EPG5: variants seen among roughly 807,000 people sequenced by gnomAD.
EPG5 encodes the protein ectopic P granules protein 5 homolog.
EPG5 carries 159 observed loss-of-function variants against 302.7 expected under a neutral mutation model. That is an observed-to-expected ratio of 0.53 (90% CI 0.46 to 0.60). The LOEUF is 0.60. Among genes scored for constraint, EPG5 ranks in the 20% least tolerant of loss-of-function variants. The pLI is 0.00. For missense variants in EPG5, 2,896 were observed against 3,092.4 expected, an observed-to-expected ratio of 0.94 and a Z score of 1.51; for synonymous variants, 1,158 against 1,136.8, an observed-to-expected ratio of 1.02 and a Z score of -0.37.
the EPG5 span, among the ~76,000 whole-genome samples, chr18:45,829,493 G>C: frequency 6.6e-6 from 1 of 152,202 alleles, no homozygotes; most frequent in Non-Finnish European, 1.5e-5. Flanking sequence ...GAAGGGCTGA[G>C]CTGCAATGAG....
intron 39 of EPG5, among the ~76,000 whole-genome samples, chr18:45,863,727 A>G (rs1331929315): frequency 6.6e-6 from 1 of 152,208 alleles, no homozygotes; most frequent in Non-Finnish European, 1.5e-5. Flanking sequence ...CCACTGTCTT[A>G]CAGATTCTTT....
chr18:45,952,000 CA>C (rs2050919874), intron 3 of EPG5, among the ~76,000 whole-genome samples: 1 of 152,212 alleles, frequency 6.6e-6, no homozygotes, highest in Middle Eastern at 3.4e-3. Flanking sequence ...GAAAATTAAA[CA>C]AAACAGCCCT....
At chr18:45,932,277 T>C (rs984578867) in intron 11 of EPG5, among the ~76,000 whole-genome samples, 1 of 152,200 alleles carries the variant, frequency 6.6e-6, no homozygotes, top group African/African-American at 2.4e-5. Flanking sequence ...AAATATTAAC[T>C]ATAAGGACAA....
intron 35 of EPG5, among the ~76,000 whole-genome samples, chr18:45,870,962 C>T (rs1438164800): frequency 6.6e-6 from 1 of 152,076 alleles, no homozygotes; most frequent in African/African-American, 2.4e-5. Flanking sequence ...TGAGCAGATG[C>T]TGTGTGGGAA....
intron 6 of EPG5, 24 bp from the exon 7 acceptor site, chr18:45,946,792 C>T: frequency 6.3e-7 from 1 of 1,594,412 alleles, no homozygotes; most frequent in Non-Finnish European, 8.6e-7. Context: ...ATAATCACTC[C>T]CATCACTTAG....
chr18:45,934,884 G>C lies in EPG5; in HGVS notation c.2182C>G (p.His728Asp). ...TGCAGGTTCTCGCTCTCCACCTGGT[G>C]CATGAGGTAGAAGAGCTTCCACAGC... is the stretch of plus-strand genomic sequence containing the variant. ...QMLWKLFYLM[H>D]QVESENLQQL... The change falls in exon 11 of 44, where the codon CAC becomes GAC. Residue 728 changes from histidine (H) to aspartate (D), a missense_variant. Physicochemically the swap from His to Asp is moderately conservative, Grantham distance 81. Coordinates refer to ENST00000282041, the MANE Select transcript of EPG5 (RefSeq NM_020964.3). The C allele has an allele frequency of 1.2e-6, 2 of 1,614,212 alleles. No individual in the cohort carries two copies. Among genetic ancestry groups the C allele is most frequent in the Non-Finnish European group, 8.5e-7 (1 of 1,180,028 alleles).
In EPG5 at chr18:45,862,373, TAA is replaced by T. The variant is rs1449107412; in HGVS notation, c.6767-2029_6767-2028del. On this transcript the variant is annotated intron_variant, in intron 39 of 43. Transcript: ENST00000282041. ...GCTTATCTTTTTAATTTTCACCTTT[TAA>T]AAAAGTCTATGATGAGCACTTAAGG... is the stretch of plus-strand genomic sequence containing the variant. Among the ~76,000 whole-genome samples, 10 of 152,192 alleles carry T rather than the reference TAA, an allele frequency of 6.6e-5. No individual in the cohort carries two copies. The South Asian group carries it at 8.3e-4, about 13-fold the overall frequency.
intron 42 of EPG5, among the ~76,000 whole-genome samples, chr18:45,856,702 C>T (rs896011672): frequency 6.6e-6 from 1 of 152,190 alleles, no homozygotes; most frequent in Non-Finnish European, 1.5e-5. Context: ...AAAGTTACAA[C>T]ATCACAATGG....
intron 6 of EPG5, among the ~76,000 whole-genome samples, chr18:45,947,299 G>A (rs1271220052): frequency 1.3e-5 from 2 of 152,114 alleles, no homozygotes; most frequent in African/African-American, 4.8e-5. Context: ...TGCAGTCCCA[G>A]CTACTCAGGA....
At chr18:45,837,452 C>G in the EPG5 span, 1 of 1,419,136 alleles carries the variant, frequency 7.0e-7, no homozygotes. Flanking sequence ...GTTTCCAGGC[C>G]CCGGGTGCGG....
At chr18:45,953,665 G>A (rs925569419) in intron 2 of EPG5, 20 of 985,184 alleles carry the variant, frequency 2.0e-5, no homozygotes, top group Admixed American at 6.1e-5. Context: ...AAACTTGAGA[G>A]GACGTCTCCC....
chr18:45,888,694 C>A (rs2049270798), intron 28 of EPG5, among the ~76,000 whole-genome samples: 1 of 152,188 alleles, frequency 6.6e-6, no homozygotes, highest in Non-Finnish European at 1.5e-5. Context: ...CCCACCTTGG[C>A]CTCCCAAAGT....
intron 14 of EPG5, among the ~76,000 whole-genome samples, chr18:45,923,721 T>C (rs905832278): frequency 6.6e-6 from 1 of 152,218 alleles, no homozygotes; most frequent in Non-Finnish European, 1.5e-5. Context: ...AGATGCTTAA[T>C]TAAACAGAAA....
chr18:45,959,102 A>G (rs1471694012), intron 1 of EPG5, among the ~76,000 whole-genome samples: 2 of 152,206 alleles, frequency 1.3e-5, no homozygotes, highest in Non-Finnish European at 2.9e-5. Flanking sequence ...TTCTGTGTCA[A>G]TTACTCTTTC....
At chr18:45,957,190 G>GA (rs1174047061) in intron 1 of EPG5, among the ~76,000 whole-genome samples, 3 of 151,494 alleles carry the variant, frequency 2.0e-5, no homozygotes, top group Admixed American at 6.6e-5. Context: ...ATATTAAAAA[G>GA]AAAAAAAAGA....
intron 1 of EPG5, among the ~76,000 whole-genome samples, chr18:45,966,941 G>A (rs531387219): frequency 9.8e-5 from 15 of 152,308 alleles, no homozygotes; most frequent in Admixed American, 9.8e-4. Context: ...GGCCAGTGAA[G>A]TCACAGGAGG....
rs557856404 is a variant in EPG5 at position 45,850,153 on chromosome 18, T to C, written c.*2314A>G. The C allele has an allele frequency of 6.6e-6, 1 of 152,478 alleles. No individual in the cohort carries two copies. The highest frequency in any genetic ancestry group is 1.5e-5 in the Non-Finnish European group (1 of 68,144). The allele number at this position is 152,478 out of a possible 1,614,324, so 9.4% of individuals were successfully genotyped here. On this transcript the variant is annotated 3_prime_UTR_variant, in exon 44 of 44. Coordinates refer to ENST00000282041, the MANE Select transcript of EPG5 (RefSeq NM_020964.3). ...GATGCCACTGTTGGCCACCCTGTGG[T>C]GAAGTCTGGAGCCTGCAGCCGTTCG...
chr18:45,901,928 T>C (rs1007798625), intron 25 of EPG5, among the ~76,000 whole-genome samples: 1 of 152,190 alleles, frequency 6.6e-6, no homozygotes, highest in Non-Finnish European at 1.5e-5. Context: ...AATAGATTCC[T>C]ATCTTCCCTC....
the EPG5 span, chr18:45,837,791 C>A: frequency 7.9e-6 from 12 of 1,523,264 alleles, no homozygotes; most frequent in Admixed American, 1.9e-5. Flanking sequence ...GCGCGTCGAG[C>A]GCCTCGCCCT....
Sources: gnomAD v4.1 joint callset for allele counts (sites outside exome capture counted in the v4.1 genomes callset) on GRCh38, gnomAD v4.1.1 for gene constraint, MANE v1.5 for transcripts, NCBI Gene and HGNC (gene_info 2026-07-23, HGNC 2026-07-21) for gene names.